SLC4A2: variants seen among roughly 807,000 people sequenced by gnomAD.
The protein encoded by SLC4A2 is solute carrier family 4 member 2, also known as anion exchange protein 2.
SLC4A2 carries 36 observed loss-of-function variants against 115.0 expected under a neutral mutation model. The observed-to-expected ratio is 0.31, with a 90% CI of 0.24 to 0.41. The LOEUF (loss-of-function observed/expected upper bound fraction) is 0.41, where lower values mean the gene tolerates loss of function less well. Ranked by LOEUF, SLC4A2 falls within the 10% of genes least tolerant of loss-of-function variation. The pLI is 1.00. For synonymous variants in SLC4A2, 708 were observed against 708.3 expected, an observed-to-expected ratio of 1.00 and a Z score of 0.01; for missense variants, 1,252 against 1,705.6, an observed-to-expected ratio of 0.73 and a Z score of 4.68.
Position 151,066,921 on chromosome 7 carries a change from G to T in SLC4A2, c.894G>T (p.Gln298His). 6.2e-7 allele frequency: 1 copy of T among 1,613,698 alleles called. No individual in the cohort carries two copies. Among genetic ancestry groups the T allele is most frequent in the Non-Finnish European group, 8.5e-7 (1 of 1,179,852 alleles). The change falls in exon 7 of 23, where the codon CAG becomes CAT. Residue 298 changes from glutamine to histidine, a missense_variant. Transcript: ENST00000413384. ...GGAAGAATGCCAAAGGTTCCACACAGAGTGGCCGAGAAGGGCGGGAGCCTG... is the reference window on the plus strand; with the variant it reads ...GGAAGAATGCCAAAGGTTCCACACATAGTGGCCGAGAAGGGCGGGAGCCTG... The part of the protein sequence containing the change: ...LVRKNAKGST[Q>H]SGREGREPGP...
chr7:151,072,491 G>A (rs952127910), intron 16 of SLC4A2, among the ~76,000 whole-genome samples: 10 of 151,908 alleles, frequency 6.6e-5, no homozygotes, highest in Non-Finnish European at 1.3e-4. Context: ...GGGTTTCACC[G>A]TATTGGTGAG....
At chr7:151,064,806 C>T in intron 4 of SLC4A2, 39 bp downstream of exon 4, 1 of 1,612,648 alleles carries the variant, frequency 6.2e-7, no homozygotes, top group South Asian at 1.1e-5. Flanking sequence ...GTCGGCAGGG[C>T]CCTGGCCTGG....
At position 151,076,122 on chromosome 7, in the gene SLC4A2, T is replaced by A; in HGVS notation, c.3581T>A (p.Ile1194Asn). The part of the protein sequence containing the change: ...AASLAFPFIL[I>N]LTVPLRMVVL... ...TCCCTGGCCTTCCCCTTCATCCTCATCCTCACAGTGCCGCTCCGCATGGTG... is the reference window on the plus strand; with the variant it reads ...TCCCTGGCCTTCCCCTTCATCCTCAACCTCACAGTGCCGCTCCGCATGGTG... Residue 1194 changes from isoleucine (I) to asparagine (N), a missense_variant, in exon 22 of 23, where the codon ATC (isoleucine) becomes AAC (asparagine). By Grantham distance (149) the Ile-to-Asn change is moderately radical (BLOSUM62 -3). Transcript: ENST00000413384. 2 of 1,610,690 alleles carry A rather than the reference T, an allele frequency of 1.2e-6. No homozygotes were observed. The highest frequency in any genetic ancestry group is 1.7e-6 in the Non-Finnish European group (2 of 1,179,954).
chr7:151,071,126 A>G lies in SLC4A2; in HGVS notation c.1804A>G (p.Ile602Val). The change falls in exon 13 of 23, where the codon ATC (isoleucine) becomes GTC (valine). Residue 602 changes from isoleucine to valine, a missense_variant. By Grantham distance (29) the Ile-to-Val change is conservative. Transcript: ENST00000413384. This position sits in a 1 kb window ranked among gnomAD's most constrained non-coding sequence, Gnocchi z 5.5. Reference protein sequence around the residue: ...ADEREDLLTAINAFLDCSVVL... With the variant: ...ADEREDLLTAVNAFLDCSVVL... Reference sequence around the variant, plus strand: ...CGAGCGGGAGGACCTGCTGACGGCCATCAACGCCTTCCTGGACTGCAGCGT... The same window carrying G: ...CGAGCGGGAGGACCTGCTGACGGCCGTCAACGCCTTCCTGGACTGCAGCGT... 1.2e-6 allele frequency: 2 copies of G among 1,612,846 alleles called. No individual in the cohort carries two copies. Among genetic ancestry groups the G allele is most frequent in the Non-Finnish European group, 1.7e-6 (2 of 1,180,026 alleles).
At position 151,076,008 on chromosome 7, in the gene SLC4A2, C is replaced by T. The variant is rs1370168102; in HGVS notation, c.3472-5C>T. The T allele has an allele frequency of 1.3e-6, 2 of 1,582,068 alleles. No homozygotes were observed. Among genetic ancestry groups the T allele is most frequent in the South Asian group, 2.3e-5 (2 of 87,270 alleles). On this transcript the variant is annotated splice_polypyrimidine_tract_variant and splice_region_variant and intron_variant, in intron 21 of 22. Transcript: ENST00000413384. ...AAGCTGGGCTCACCTGTCTCCGCCCCCCAGGTCCGGACCCTCCGTATGCAC... is the reference window on the plus strand; with the variant it reads ...AAGCTGGGCTCACCTGTCTCCGCCCTCCAGGTCCGGACCCTCCGTATGCAC...
Position 151,064,627 on chromosome 7 carries a change from C to T in SLC4A2, c.319C>T (p.Arg107Ter), listed in dbSNP as rs1797165970. The T allele has an allele frequency of 1.2e-6, 2 of 1,613,458 alleles. No homozygotes were observed. The highest frequency in any genetic ancestry group is 1.3e-5 in the African/African-American group (1 of 74,886). The part of the protein sequence containing the change: ...KTPQGPGRKP[R>*]RRPGASPTGE... ...ACCCCAGGGCCCAGGACGGAAGCCT[C>T]GAAGGCGCCCGGGAGCCTCCCCGAC... Residue 107 changes from arginine to a stop codon, truncating the protein, a stop_gained, in exon 4 of 23, where the codon CGA (arginine) becomes TGA (stop). Transcript: ENST00000413384. LOFTEE classifies it high-confidence loss of function.
chr7:151,074,551 C>T, intron 18 of SLC4A2, 63 bp downstream of exon 18: 4 of 1,594,868 alleles, frequency 2.5e-6, no homozygotes, highest in Non-Finnish European at 3.4e-6. Flanking sequence ...TAGGTGTTCC[C>T]CTCCAGCCTC....
At chr7:151,072,239 G>A in intron 16 of SLC4A2, 103 bp downstream of exon 16, 2 of 961,890 alleles carry the variant, frequency 2.1e-6, no homozygotes, top group Non-Finnish European at 1.6e-6. Context: ...GGCTGGTCTG[G>A]AGCATCCCCG....
intron 1 of SLC4A2, chr7:151,061,516 CCTCT>C (rs1393065234): frequency 6.1e-5 from 10 of 164,862 alleles, no homozygotes; most frequent in African/African-American, 2.1e-4. Flanking sequence ...CTCAGGCCCA[CCTCT>C]GGTGGGTGCC....
intron 1 of SLC4A2, 88 bp from the exon 2 acceptor site, chr7:151,061,837 C>G: frequency 1.5e-6 from 1 of 667,836 alleles, no homozygotes; most frequent in South Asian, 1.7e-5. Flanking sequence ...CTTCATACTC[C>G]AGGAGGATCC....
chr7:151,068,214 C>G (rs1370523101), intron 8 of SLC4A2, among the ~76,000 whole-genome samples, 160 bp downstream of exon 8: 1 of 152,246 alleles, frequency 6.6e-6, no homozygotes, highest in Non-Finnish European at 1.5e-5. Flanking sequence ...CCAGCAGCTT[C>G]TTGATATTCT....
intron 8 of SLC4A2, among the ~76,000 whole-genome samples, 190 bp downstream of exon 8, chr7:151,068,244 A>T (rs1173502602): frequency 2.0e-5 from 3 of 152,186 alleles, no homozygotes; most frequent in Non-Finnish European, 4.4e-5. Flanking sequence ...ACTGAAGCCG[A>T]TGTGTTTTGG....
At chr7:151,072,280 G>A in intron 16 of SLC4A2, 144 bp downstream of exon 16, 5 of 638,340 alleles carry the variant, frequency 7.8e-6, no homozygotes, top group Non-Finnish European at 1.4e-5. Context: ...TACCAGGGCT[G>A]CAGATTACTC....
intron 7 of SLC4A2, 90 bp from the exon 8 acceptor site, chr7:151,067,784 T>G (rs1022950120): frequency 4.5e-6 from 5 of 1,117,112 alleles, no homozygotes; most frequent in Non-Finnish European, 6.6e-6. Context: ...CAGGGTCACT[T>G]GGCTCCCTCT....
intron 5 of SLC4A2, among the ~76,000 whole-genome samples, chr7:151,065,743 G>T (rs920283536): frequency 6.6e-6 from 1 of 152,222 alleles, no homozygotes; most frequent in Non-Finnish European, 1.5e-5. Context: ...CAGGGAGGAG[G>T]CTGGGGCTTC....
rs1797418000 is a variant in SLC4A2 at position 151,071,038 on chromosome 7, TG to T, written c.1750-33del. The T allele has an allele frequency of 6.2e-7, 1 of 1,609,342 alleles. No homozygotes were observed. The highest frequency in any genetic ancestry group is 1.1e-5 in the South Asian group (1 of 90,862). On this transcript the variant is annotated intron_variant, in intron 12 of 22. Coordinates refer to ENST00000413384, the MANE Select transcript of SLC4A2 (RefSeq NM_003040.4). This position sits in a 1 kb window ranked among gnomAD's most constrained non-coding sequence, Gnocchi z 5.5. ...GCTCCAGGCCCTCAGCCCTCTTCTT[TG>T]TGCTCTCCCCCATCCCCATGCTGCT...
Position 151,064,847 on chromosome 7 carries a change from G to T in SLC4A2, c.460-1G>T. ...CCTGCCCATGTGGGTCCCTGTTACA[G>T]TTCTTTCTCCAAGAGGATGACAGTG... On this transcript the variant is annotated splice_acceptor_variant, in intron 4 of 22. Coordinates refer to ENST00000413384, the MANE Select transcript of SLC4A2 (RefSeq NM_003040.4). LOFTEE classifies it high-confidence loss of function. The T allele has an allele frequency of 6.2e-7, 1 of 1,613,930 alleles. No individual in the cohort carries two copies. Among genetic ancestry groups the T allele is most frequent in the Non-Finnish European group, 8.5e-7 (1 of 1,179,974 alleles).
chr7:151,075,934 C>A, intron 21 of SLC4A2, 79 bp from the exon 22 acceptor site: 1 of 1,488,342 alleles, frequency 6.7e-7, no homozygotes. Context: ...TTCTTCCATC[C>A]CCGCCTCCGA....
At chr7:151,062,501 T>C in intron 2 of SLC4A2, 1 of 1,356,480 alleles carries the variant, frequency 7.4e-7, no homozygotes, top group Non-Finnish European at 9.5e-7. Flanking sequence ...CCCTTTGGAT[T>C]TTCCTAAGGA....
Sources: gnomAD v4.1 joint callset for allele counts (sites outside exome capture counted in the v4.1 genomes callset) on GRCh38, gnomAD v4.1.1 for gene constraint, Gnocchi (gnomAD v3.1) non-coding constraint, MANE v1.5 for transcripts, NCBI Gene and HGNC (gene_info 2026-07-23, HGNC 2026-07-21) for gene names.